Variants in ANKS1B observed in about 807,000 individuals in gnomAD.
The protein encoded by ANKS1B is ankyrin repeat and sterile alpha motif domain-containing protein 1B.
Under a neutral mutation model 148.3 loss-of-function variants are expected in ANKS1B, and 36 were observed. The ratio of observed to expected loss-of-function variants is 0.24; its 90% CI spans 0.19 to 0.32. The LOEUF (loss-of-function observed/expected upper bound fraction) is 0.32, where lower values mean the gene tolerates loss of function less well. Among genes scored for constraint, ANKS1B ranks in the 10% least tolerant of loss-of-function variants. ANKS1B has a pLI of 1.00. For synonymous variants in ANKS1B, 542 were observed against 560.8 expected, an observed-to-expected ratio of 0.97 and a Z score of 0.47; for missense variants, 1,157 against 1,542.6, an observed-to-expected ratio of 0.75 and a Z score of 4.19.
intron 1 of ANKS1B, among the ~76,000 whole-genome samples, chr12:99,869,643 T>C (rs986447634): frequency 3.3e-5 from 5 of 150,930 alleles, no homozygotes; most frequent in Non-Finnish European, 7.4e-5. Flanking sequence ...ATCGCGCCAT[T>C]GCACTCCAGC....
intron 12 of ANKS1B, among the ~76,000 whole-genome samples, chr12:99,358,954 G>A (rs2092268107): frequency 6.6e-6 from 1 of 152,058 alleles, no homozygotes; most frequent in Non-Finnish European, 1.5e-5. Flanking sequence ...CAGCCATGGG[G>A]GAGAAAGAAA....
chr12:99,209,652 G>A (rs1312772175), intron 14 of ANKS1B, among the ~76,000 whole-genome samples: 2 of 152,274 alleles, frequency 1.3e-5, no homozygotes, highest in South Asian at 2.1e-4. Context: ...TATAAACAAG[G>A]ATGAGAACTT....
At chr12:99,940,111 A>G (rs2094882281) in intron 1 of ANKS1B, among the ~76,000 whole-genome samples, 1 of 152,204 alleles carries the variant, frequency 6.6e-6, no homozygotes, top group Non-Finnish European at 1.5e-5. Context: ...GCAAGAAATA[A>G]AAGCCAAATA....
chr12:99,026,252 G>A (rs1158470124), intron 17 of ANKS1B, among the ~76,000 whole-genome samples: 1 of 152,192 alleles, frequency 6.6e-6, no homozygotes, highest in African/African-American at 2.4e-5. Context: ...GTGGTTCTGG[G>A]TTCTCAAGGA....
chr12:99,688,892 AAG>A (rs375992528), intron 8 of ANKS1B, among the ~76,000 whole-genome samples: 27 of 152,142 alleles, frequency 1.8e-4, no homozygotes, highest in African/African-American at 4.1e-4. Flanking sequence ...AAAAAAAAAA[AAG>A]AGAGAAAATG....
intron 17 of ANKS1B, among the ~76,000 whole-genome samples, chr12:98,861,014 C>T (rs1006980376): frequency 3.9e-5 from 6 of 152,074 alleles, no homozygotes; most frequent in Non-Finnish European, 7.4e-5. Flanking sequence ...GGTTTTAAGT[C>T]ACTATAAAAA....
chr12:99,782,186 A>G, intron 4 of ANKS1B, 89 bp from the exon 5 acceptor site: 1 of 1,051,414 alleles, frequency 9.5e-7, no homozygotes, highest in East Asian at 2.6e-5. Flanking sequence ...TTACATATTC[A>G]TACATATTTG....
intron 1 of ANKS1B, among the ~76,000 whole-genome samples, chr12:99,848,989 A>C (rs1290595641): frequency 6.6e-6 from 1 of 152,098 alleles, no homozygotes; most frequent in African/African-American, 2.4e-5. Context: ...GGAGCTAAAC[A>C]CTGGGTATAC....
intron 2 of ANKS1B, among the ~76,000 whole-genome samples, chr12:99,817,789 T>C (rs1455860943): frequency 2.0e-5 from 3 of 151,888 alleles, no homozygotes; most frequent in Non-Finnish European, 4.4e-5. Flanking sequence ...CATATGCCTG[T>C]TGGTCATTTG....
In ANKS1B at chr12:99,635,842, C is replaced by A. The variant is rs12309550; in HGVS notation, c.1272+19225G>T. On this transcript the variant is annotated intron_variant, in intron 9 of 26. Transcript: ENST00000683438. ...AATCAATAGAGGAAGCTGGATTATT[C>A]GATAAATGATGCTAGGACAACTGAT... Among the ~76,000 whole-genome samples the A allele has an allele frequency of 7.9e-3, 1,207 of 151,876 alleles. 14 individuals carry two copies. The highest frequency in any genetic ancestry group is 0.027 in the African/African-American group (1,108 of 41,448).
intron 9 of ANKS1B, among the ~76,000 whole-genome samples, chr12:99,644,374 G>A (rs764175516): frequency 8.6e-5 from 13 of 151,988 alleles, no homozygotes; most frequent in South Asian, 4.2e-4. Flanking sequence ...CATTTCCCCC[G>A]CTTTCTTCTG....
At position 98,744,214 on chromosome 12, in the gene ANKS1B, T is replaced by G; in HGVS notation, c.*1525A>C. ...AATAGGCAAAATATATACAAGGAAC[T>G]GTTCAGTTCAAGTAATTTAATATTG... On this transcript the variant is annotated 3_prime_UTR_variant, in exon 27 of 27. Transcript: ENST00000683438. 1.0e-6 allele frequency: 1 copy of G among 966,886 alleles called. No homozygotes were observed. Among genetic ancestry groups the G allele is most frequent in the Non-Finnish European group, 1.2e-6 (1 of 812,640 alleles). The allele number at this position is 966,886 out of a possible 1,614,324, so 59.9% of individuals were successfully genotyped here. A position where few individuals can be genotyped will look rare whatever the true frequency, so the allele number is the denominator to read the frequency against.
At chr12:99,928,274 T>TTTTTA (rs1566017411) in intron 1 of ANKS1B, among the ~76,000 whole-genome samples, 2 of 82,580 alleles carry the variant, frequency 2.4e-5, no homozygotes, top group Non-Finnish European at 5.9e-5. Flanking sequence ...TTATTTTATT[T>TTTTTA]TTTTTTTTTT....
At chr12:98,736,761 A>C (rs891346272) in intron 9 of ANKS1B, among the ~76,000 whole-genome samples, 1 of 152,236 alleles carries the variant, frequency 6.6e-6, no homozygotes, top group Non-Finnish European at 1.5e-5. Flanking sequence ...TAAGAGTTGC[A>C]AATTAGTGTG....
chr12:99,953,424 C>G (rs61941581), intron 1 of ANKS1B, among the ~76,000 whole-genome samples: 1 of 151,940 alleles, frequency 6.6e-6, no homozygotes, highest in Non-Finnish European at 1.5e-5. Context: ...CATATGAGTA[C>G]AAAAGATAAA....
At chr12:99,375,928 A>C (rs1004315367) in intron 12 of ANKS1B, among the ~76,000 whole-genome samples, 1 of 152,240 alleles carries the variant, frequency 6.6e-6, no homozygotes, top group Admixed American at 6.5e-5. Flanking sequence ...AGTGAAAGAT[A>C]CTAAGAAAAT....
At chr12:99,548,002 G>A (rs577776023) in intron 9 of ANKS1B, among the ~76,000 whole-genome samples, 3 of 152,234 alleles carry the variant, frequency 2.0e-5, no homozygotes, top group Admixed American at 2.0e-4. Context: ...AATAAAAATT[G>A]TAGTTGATTG....
intron 9 of ANKS1B, among the ~76,000 whole-genome samples, chr12:99,642,862 G>T (rs1017240667): frequency 1.3e-5 from 2 of 151,772 alleles, no homozygotes; most frequent in Non-Finnish European, 2.9e-5. Context: ...CAACTTCAAG[G>T]GGCCACCTGT....
chr12:99,574,680 T>C (rs1315962120), intron 9 of ANKS1B, among the ~76,000 whole-genome samples: 1 of 151,870 alleles, frequency 6.6e-6, no homozygotes, highest in Non-Finnish European at 1.5e-5. Context: ...AGAAACCCTA[T>C]AATCATCTTC....
Sources: allele counts gnomAD v4.1 joint callset (sites outside exome capture counted in the v4.1 genomes callset), GRCh38; gene constraint gnomAD v4.1.1; transcripts MANE v1.5; gene names NCBI Gene and HGNC (gene_info 2026-07-23, HGNC 2026-07-21).